MC3R: variants seen among roughly 807,000 people sequenced by gnomAD.
MC3R encodes the protein melanocortin 3 receptor, also known as melanocortin receptor 3.
MC3R carries 12 observed loss-of-function variants against 14.0 expected under a neutral mutation model. The ratio of observed to expected loss-of-function variants is 0.86; its 90% CI spans 0.55 to 1.39. MC3R has a LOEUF of 1.39. Among genes scored for constraint, MC3R ranks in the 40% most tolerant of loss-of-function variants. The pLI, the probability that MC3R is intolerant of heterozygous loss-of-function variation, is 0.00. For missense variants in MC3R, 432 were observed against 433.6 expected, an observed-to-expected ratio of 1.00 and a Z score of 0.03; for synonymous variants, 174 against 180.5, an observed-to-expected ratio of 0.96 and a Z score of 0.29.
rs761810069 is a variant in MC3R, at chr20:56,249,798, G to T, written c.955G>T (p.Gly319Cys). ...TAGGGAGATTCTCTGTGGCTGCAAC[G>T]GCATGAACTTGGGATAGGATGCAGG... is the stretch of plus-strand genomic sequence containing the variant. ...TFREILCGCN[G>C]MNLG The change falls in exon 1 of 1, where the codon GGC becomes TGC. Residue 319 changes from glycine (G) to cysteine (C), a missense_variant. Physicochemically the swap from Gly to Cys is radical, Grantham distance 159. Transcript: ENST00000243911. 20 of 1,613,912 alleles carry T rather than the reference G, an allele frequency of 1.2e-5. No individual in the cohort carries two copies. In the African/African-American group the frequency reaches 1.5e-4, roughly 12 times the overall value.
Position 56,248,823 on chromosome 20 carries a change from G to A in MC3R, c.-21G>A, listed in dbSNP as rs141315125. The A allele has an allele frequency of 2.5e-6, 4 of 1,614,036 alleles. No homozygotes were observed. Among genetic ancestry groups the A allele is most frequent in the Admixed American group, 1.7e-5 (1 of 60,008 alleles). On this transcript the variant is annotated 5_prime_UTR_variant, in exon 1 of 1. Coordinates refer to ENST00000243911, the MANE Select transcript of MC3R (RefSeq NM_019888.3). ...ACGGACCCTGCTGGAGCCCCAGCTC[G>A]GATCAGCCCTTCTGACAGCAATGAA... is the stretch of plus-strand genomic sequence containing the variant.
rs1312679976 is a variant in MC3R at position 56,249,749 on chromosome 20, G to A, written c.906G>A (p.Arg302=). 1.2e-6 allele frequency: 2 copies of A among 1,614,046 alleles called. No individual in the cohort carries two copies. The highest frequency in any genetic ancestry group is 1.7e-6 in the Non-Finnish European group (2 of 1,180,018). The change falls in exon 1 of 1, where the codon CGG becomes CGA. Residue 302 remains arginine, a synonymous_variant. Transcript: ENST00000243911. ...TCGACCCACTCATCTACGCTTTCCG[G>A]AGCCTGGAATTGCGCAACACCTTTA... ...SVIDPLIYAF[R]SLELRNTFRE...
In MC3R at chr20:56,249,167, C is replaced by T. The variant is rs759394005; in HGVS notation, c.324C>T (p.Phe108=). 3 of 1,614,060 alleles carry T rather than the reference C, an allele frequency of 1.9e-6. No individual in the cohort carries two copies. The highest frequency in any genetic ancestry group is 2.7e-5 in the African/African-American group (2 of 74,920). Residue 108 remains phenylalanine, a synonymous_variant, in exon 1 of 1, where the codon TTC becomes TTT. Coordinates refer to ENST00000243911, the MANE Select transcript of MC3R (RefSeq NM_019888.3). ...IAIVHSDYLT[F]EDQFIQHMDN... is the part of the protein sequence containing the mutation. ...TCGTCCACAGCGACTACCTGACCTT[C>T]GAGGACCAGTTTATCCAGCACATGG...
rs988204686 is a variant in MC3R at position 56,249,813 on chromosome 20, T to C, written c.970T>C (p.Ter324GlnextTer?). 1.9e-6 allele frequency: 3 copies of C among 1,613,956 alleles called. No individual in the cohort carries two copies. The highest frequency in any genetic ancestry group is 2.5e-6 in the Non-Finnish European group (3 of 1,180,040). Residue 324 changes from the stop codon to glutamine (Q), a stop_lost, in exon 1 of 1, where the codon TAG becomes CAG. Transcript: ENST00000243911. ...LCGCNGMNLG[*>Q] is the part of the protein sequence containing the mutation. ...TGGCTGCAACGGCATGAACTTGGGATAGGATGCAGGGCCATGGAAATGATC... is the reference window on the plus strand; with the variant it reads ...TGGCTGCAACGGCATGAACTTGGGACAGGATGCAGGGCCATGGAAATGATC...
chr20:56,248,755 TG>T lies in MC3R; in HGVS notation c.-87del. 1 of 1,484,282 alleles carries T rather than the reference TG, an allele frequency of 6.7e-7. No homozygotes were observed. The highest frequency in any genetic ancestry group is 9.4e-7 in the Non-Finnish European group (1 of 1,061,754). 91.9% of individuals were successfully genotyped at this position (1,484,282 alleles called of 1,614,324 possible). ...TGAATGAGCATCCAAAAGACGTATC[TG>T]GAGGGAGATTTTGTCTTTCCTGTGA... On this transcript the variant is annotated 5_prime_UTR_variant, in exon 1 of 1. An upstream open reading frame in the 5' UTR gains an earlier in-frame stop. Transcript: ENST00000243911.
Position 56,248,854 on chromosome 20 carries a change from C to T in MC3R, c.11C>T (p.Ser4Leu), listed in dbSNP as rs373127703. The change falls in exon 1 of 1, where the codon TCG (serine) becomes TTG (leucine). Residue 4 changes from serine to leucine, a missense_variant. Ser to Leu is a moderately radical substitution (Grantham distance 145, BLOSUM62 -2). Transcript: ENST00000243911. Reference protein sequence around the residue: MNASCCLPSVQPTL... With the variant: MNALCCLPSVQPTL... Reference sequence around the variant, plus strand: ...GCCCTTCTGACAGCAATGAATGCTTCGTGCTGCCTGCCCTCTGTTCAGCCA... The same window carrying T: ...GCCCTTCTGACAGCAATGAATGCTTTGTGCTGCCTGCCCTCTGTTCAGCCA... 8.1e-6 allele frequency: 13 copies of T among 1,614,072 alleles called. No individual in the cohort carries two copies. Among genetic ancestry groups the T allele is most frequent in the South Asian group, 2.2e-5 (2 of 91,086 alleles).
At position 56,249,680 on chromosome 20, in the gene MC3R, C is replaced by A. The variant is rs931956466; in HGVS notation, c.837C>A (p.Ala279=). The A allele has an allele frequency of 1.1e-5, 18 of 1,614,018 alleles. No homozygotes were observed. Among genetic ancestry groups the A allele is most frequent in the Non-Finnish European group, 1.5e-5 (18 of 1,180,028 alleles). ...PTNPYCICYT[A]HFNTYLVLIM... ...ACCCCTACTGCATCTGCTACACTGC[C>A]CACTTCAACACCTACCTGGTCCTCA... The change falls in exon 1 of 1, where the codon GCC becomes GCA. Residue 279 remains alanine, a synonymous_variant. Coordinates refer to ENST00000243911, the MANE Select transcript of MC3R (RefSeq NM_019888.3).
Position 56,249,617 on chromosome 20 carries a change from C to G in MC3R, c.774C>G (p.Phe258Leu). Residue 258 changes from phenylalanine (F) to leucine (L), a missense_variant, in exon 1 of 1, where the codon TTC (phenylalanine) becomes TTG (leucine). Transcript: ENST00000243911. The stretch of plus-strand genomic sequence containing the variant: ...TGTTCATCTTCTGCTGGGCCCCCTT[C>G]TTCCTCCACCTGGTCCTCATCATCA... ...LGVFIFCWAP[F>L]FLHLVLIITC... is the part of the protein sequence containing the mutation. 2 of 1,613,072 alleles carry G rather than the reference C, an allele frequency of 1.2e-6. No individual in the cohort carries two copies. The highest frequency in any genetic ancestry group is 1.7e-6 in the Non-Finnish European group (2 of 1,179,048).
rs1006394773 is a variant in MC3R, at chr20:56,249,601, T to A, written c.758T>A (p.Phe253Tyr). 1.9e-6 allele frequency: 3 copies of A among 1,612,788 alleles called. No homozygotes were observed. The highest frequency in any genetic ancestry group is 1.7e-5 in the Admixed American group (1 of 59,990). The change falls in exon 1 of 1, where the codon TTC becomes TAC. Residue 253 changes from phenylalanine to tyrosine, a missense_variant. Physicochemically the swap from Phe to Tyr is conservative, Grantham distance 22 (BLOSUM62 3). Transcript: ENST00000243911. ...TITILLGVFIFCWAPFFLHLV... is the reference protein window; with the variant it reads ...TITILLGVFIYCWAPFFLHLV... ...ACCATTCTCCTGGGCGTGTTCATCT[T>A]CTGCTGGGCCCCCTTCTTCCTCCAC...
In MC3R at chr20:56,248,873, T is replaced by C; in HGVS notation, c.30T>C (p.Val10=). The change falls in exon 1 of 1, where the codon GTT becomes GTC. Residue 10 remains valine (V), a synonymous_variant. Coordinates refer to ENST00000243911, the MANE Select transcript of MC3R (RefSeq NM_019888.3). MNASCCLPS[V]QPTLPNGSEH... ...ATGCTTCGTGCTGCCTGCCCTCTGTTCAGCCAACACTGCCTAATGGCTCGG... is the reference window on the plus strand; with the variant it reads ...ATGCTTCGTGCTGCCTGCCCTCTGTCCAGCCAACACTGCCTAATGGCTCGG... 6.2e-7 allele frequency: 1 copy of C among 1,614,166 alleles called. No individual in the cohort carries two copies. The highest frequency in any genetic ancestry group is 8.5e-7 in the Non-Finnish European group (1 of 1,180,024).
At position 56,248,749 on chromosome 20, in the gene MC3R, C is replaced by A. The variant is rs3746619; in HGVS notation, c.-95C>A. ...CCAGATTGAATGAGCATCCAAAAGA[C>A]GTATCTGGAGGGAGATTTTGTCTTT... is the stretch of plus-strand genomic sequence containing the variant. On this transcript the variant is annotated 5_prime_UTR_variant, in exon 1 of 1. Coordinates refer to ENST00000243911, the MANE Select transcript of MC3R (RefSeq NM_019888.3). 0.12 allele frequency: 170,885 copies of A among 1,416,136 alleles called. 16,349 individuals are homozygous for A. The highest frequency in any genetic ancestry group is 0.46 in the African/African-American group (32,960 of 70,962). 87.7% of individuals were successfully genotyped at this position (1,416,136 alleles called of 1,614,324 possible).
Position 56,249,158 on chromosome 20 carries a change from C to T in MC3R, c.315C>T (p.Tyr105=), listed in dbSNP as rs1053127042. Residue 105 remains tyrosine, a synonymous_variant, in exon 1 of 1, where the codon TAC becomes TAT. Coordinates refer to ENST00000243911, the MANE Select transcript of MC3R (RefSeq NM_019888.3). ...TIMIAIVHSD[Y]LTFEDQFIQH... is the part of the protein sequence containing the mutation. Reference sequence around the variant, plus strand: ...TGATCGCCATCGTCCACAGCGACTACCTGACCTTCGAGGACCAGTTTATCC... The same window carrying T: ...TGATCGCCATCGTCCACAGCGACTATCTGACCTTCGAGGACCAGTTTATCC... The T allele has an allele frequency of 1.2e-6, 2 of 1,614,066 alleles. No homozygotes were observed. Among genetic ancestry groups the T allele is most frequent in the African/African-American group, 1.3e-5 (1 of 74,928 alleles).
rs758365873 is a variant in MC3R, at chr20:56,249,526, A to G, written c.683A>G (p.Asp228Gly). Residue 228 changes from aspartate (D) to glycine (G), a missense_variant, in exon 1 of 1, where the codon GAC (aspartate) becomes GGC (glycine). Physicochemically the swap from Asp to Gly is moderately conservative, Grantham distance 94 (BLOSUM62 -1). Transcript: ENST00000243911. Reference sequence around the variant, plus strand: ...CGCATAGCAGCACTGCCACCTGCCGACGGGGTGGCCCCACAGCAACACTCA... The same window carrying G: ...CGCATAGCAGCACTGCCACCTGCCGGCGGGGTGGCCCCACAGCAACACTCA... ...VKRIAALPPA[D>G]GVAPQQHSCM... is the part of the protein sequence containing the mutation. The G allele has an allele frequency of 6.2e-7, 1 of 1,614,062 alleles. No homozygotes were observed. Among genetic ancestry groups the G allele is most frequent in the South Asian group, 1.1e-5 (1 of 91,076 alleles).
Position 56,249,507 on chromosome 20 carries a change from G to A in MC3R, c.664G>A (p.Ala222Thr), listed in dbSNP as rs372603376. Residue 222 changes from alanine to threonine, a missense_variant, in exon 1 of 1, where the codon GCA becomes ACA. Coordinates refer to ENST00000243911, the MANE Select transcript of MC3R (RefSeq NM_019888.3). ...LFARLHVKRI[A>T]ALPPADGVAP... ...TGCGCGGCTGCACGTCAAGCGCATA[G>A]CAGCACTGCCACCTGCCGACGGGGT... 9.9e-6 allele frequency: 16 copies of A among 1,614,174 alleles called. 1 individual carries two copies. The East Asian group carries it at 1.1e-4, about 11-fold the overall frequency.
Position 56,248,806 on chromosome 20 carries a change from T to C in MC3R, c.-38T>C, listed in dbSNP as rs975187134. 1 of 1,614,092 alleles carries C rather than the reference T, an allele frequency of 6.2e-7. No individual in the cohort carries two copies. The highest frequency in any genetic ancestry group is 1.3e-5 in the African/African-American group (1 of 74,952). The stretch of plus-strand genomic sequence containing the variant: ...AGCAGCAGCAGCTTCCTACGGACCC[T>C]GCTGGAGCCCCAGCTCGGATCAGCC... On this transcript the variant is annotated 5_prime_UTR_variant, in exon 1 of 1. Coordinates refer to ENST00000243911, the MANE Select transcript of MC3R (RefSeq NM_019888.3).
rs1431243338 is a variant in MC3R at position 56,249,574 on chromosome 20, T to C, written c.731T>C (p.Ile244Thr). The change falls in exon 1 of 1, where the codon ATC becomes ACC. Residue 244 changes from isoleucine to threonine, a missense_variant. By Grantham distance (89) the Ile-to-Thr change is moderately conservative (BLOSUM62 -1). Transcript: ENST00000243911. The stretch of plus-strand genomic sequence containing the variant: ...TCATGCATGAAGGGGGCAGTCACCA[T>C]CACCATTCTCCTGGGCGTGTTCATC... ...QHSCMKGAVT[I>T]TILLGVFIFC... 6.2e-7 allele frequency: 1 copy of C among 1,613,222 alleles called. No homozygotes were observed. Among genetic ancestry groups the C allele is most frequent in the South Asian group, 1.1e-5 (1 of 91,078 alleles).
Position 56,248,764 on chromosome 20 carries a change from AT to A in MC3R, c.-76del. 1 of 1,552,636 alleles carries A rather than the reference AT, an allele frequency of 6.4e-7. No homozygotes were observed. The highest frequency in any genetic ancestry group is 8.9e-7 in the Non-Finnish European group (1 of 1,124,316). On this transcript the variant is annotated 5_prime_UTR_variant, in exon 1 of 1. An upstream open reading frame in the 5' UTR gains an earlier in-frame stop. Transcript: ENST00000243911. Reference sequence around the variant, plus strand: ...ATCCAAAAGACGTATCTGGAGGGAGATTTTGTCTTTCCTGTGAGCAGCAGCA... The same window carrying A: ...ATCCAAAAGACGTATCTGGAGGGAGATTTGTCTTTCCTGTGAGCAGCAGCA...
At position 56,248,809 on chromosome 20, in the gene MC3R, T is replaced by C. The variant is rs1209097189; in HGVS notation, c.-35T>C. Reference sequence around the variant, plus strand: ...AGCAGCAGCTTCCTACGGACCCTGCTGGAGCCCCAGCTCGGATCAGCCCTT... The same window carrying C: ...AGCAGCAGCTTCCTACGGACCCTGCCGGAGCCCCAGCTCGGATCAGCCCTT... On this transcript the variant is annotated 5_prime_UTR_variant, in exon 1 of 1. Coordinates refer to ENST00000243911, the MANE Select transcript of MC3R (RefSeq NM_019888.3). 1.9e-6 allele frequency: 3 copies of C among 1,614,216 alleles called. No individual in the cohort carries two copies.
rs1330308586 is a variant in MC3R at position 56,249,376 on chromosome 20, T to C, written c.533T>C (p.Val178Ala). 1 of 1,613,992 alleles carries C rather than the reference T, an allele frequency of 6.2e-7. No individual in the cohort carries two copies. Among genetic ancestry groups the C allele is most frequent in the African/African-American group, 1.3e-5 (1 of 74,890 alleles). Reference protein sequence around the residue: ...IWVCCGVCGVVFIVYSESKMV... With the variant: ...IWVCCGVCGVAFIVYSESKMV... ...GTCTGCTGCGGCGTCTGTGGCGTGG[T>C]GTTCATCGTCTACTCGGAGAGCAAA... The change falls in exon 1 of 1, where the codon GTG becomes GCG. Residue 178 changes from valine (V) to alanine (A), a missense_variant. By Grantham distance (64) the Val-to-Ala change is moderately conservative. Transcript: ENST00000243911.
Sources: allele counts gnomAD v4.1 joint callset, GRCh38; gene constraint gnomAD v4.1.1; transcripts MANE v1.5; gene names NCBI Gene and HGNC (gene_info 2026-07-23, HGNC 2026-07-21).